Variants in CEP290 observed in about 807,000 individuals in gnomAD.
The protein encoded by CEP290 is centrosomal protein 290.
In CEP290, 317 loss-of-function variants were observed where a neutral mutation model predicts 344.9. That is an observed-to-expected ratio of 0.92 (90% CI 0.84 to 1.01). CEP290 has a LOEUF of 1.01. CEP290 is among the 50% of genes least tolerant of loss of function. CEP290 has a pLI of 0.00. For synonymous variants in CEP290, 932 were observed against 895.8 expected (o/e 1.04, Z -0.72); for missense variants, 2,754 against 2,761.4 (o/e 1.00, Z 0.06).
At chr12:88,141,708 G>A (rs1328647553) in intron 1 of CEP290, among the ~76,000 whole-genome samples, 192 bp downstream of exon 1, 2 of 152,106 alleles carry the variant, frequency 1.3e-5, no homozygotes, top group Non-Finnish European at 2.9e-5. Context: ...CAGAATTGGG[G>A]CTGAAAAAAA....
intron 51 of CEP290, 77 bp from the exon 52 acceptor site, chr12:88,053,823 T>C (rs981874567): frequency 1.4e-6 from 1 of 714,504 alleles, no homozygotes; most frequent in Admixed American, 2.6e-5. Context: ...TCTTATGAAC[T>C]AGTGATGTAC....
At position 88,110,208 on chromosome 12, in the gene CEP290, T is replaced by C. The variant is rs138244834; in HGVS notation, c.2367+994A>G. ...GAACATATATTTGTAATTATATTTA[T>C]AATGTATGTGATGTTATAGATAGTC... On this transcript the variant is annotated intron_variant, in intron 22 of 53. Coordinates refer to ENST00000552810, the MANE Select transcript of CEP290 (RefSeq NM_025114.4). Among the ~76,000 whole-genome samples, 161 of 152,300 alleles carry C rather than the reference T, an allele frequency of 1.1e-3. 2 individuals are homozygous for C. Among genetic ancestry groups the C allele is most frequent in the African/African-American group, 3.5e-3 (147 of 41,570 alleles).
rs2036442878 is a variant in CEP290 at position 88,084,685 on chromosome 12, CA to C, written c.4604del (p.Leu1535Ter). On this transcript the variant is annotated frameshift_variant, in exon 35 of 54. Transcript: ENST00000552810. LOFTEE classifies it high-confidence loss of function. ...KEMEPKSHHT[L>X]KIAHQTIANM... ...TTGCAATGGTTTGATGAGCAATTTT[CA>C]ATGTGTGGTGAGATTTTGGTTCCAT... The C allele has an allele frequency of 6.2e-7, 1 of 1,613,724 alleles. No homozygotes were observed.
At chr12:88,110,047 G>C (rs1338611667) in intron 22 of CEP290, among the ~76,000 whole-genome samples, 2 of 151,900 alleles carry the variant, frequency 1.3e-5, no homozygotes, top group African/African-American at 4.8e-5. Context: ...CCAATATTGA[G>C]AAAAAGATGA....
At chr12:88,121,259 A>AT (rs1205250805) in intron 13 of CEP290, 93 bp from the exon 14 acceptor site, 1 of 861,924 alleles carries the variant, frequency 1.2e-6, no homozygotes, top group African/African-American at 1.8e-5. Context: ...GTGGTATGCC[A>AT]TTAAAAAAAA....
intron 6 of CEP290, chr12:88,135,614 T>C (rs1003067965): frequency 4.6e-4 from 70 of 152,310 alleles, no homozygotes; most frequent in African/African-American, 1.6e-3. Context: ...TTCTATATGA[T>C]TCTTCAACAT....
chr12:88,065,317 T>A (rs1319635131), intron 44 of CEP290, among the ~76,000 whole-genome samples: 1 of 97,864 alleles, frequency 1.0e-5, no homozygotes. Flanking sequence ...TTAGATCCAA[T>A]GACTGCATGT....
chr12:88,100,067 A>G (rs1174886019), intron 26 of CEP290, among the ~76,000 whole-genome samples: 1 of 151,632 alleles, frequency 6.6e-6, no homozygotes, highest in Non-Finnish European at 1.5e-5. Context: ...ATTACCTGAG[A>G]TCCAAAGTTT....
intron 27 of CEP290, among the ~76,000 whole-genome samples, chr12:88,096,143 G>T (rs1281022593): frequency 6.6e-6 from 1 of 151,954 alleles, no homozygotes; most frequent in Non-Finnish European, 1.5e-5. Context: ...CTGACTCCTA[G>T]GTTCAAGCAA....
intron 18 of CEP290, chr12:88,115,735 C>G: frequency 1.1e-6 from 1 of 929,048 alleles, no homozygotes; most frequent in Non-Finnish European, 1.3e-6. Flanking sequence ...AAAAGAACAA[C>G]CACAGAAATA....
intron 49 of CEP290, among the ~76,000 whole-genome samples, chr12:88,056,938 G>A (rs181272064): frequency 3.7e-4 from 57 of 152,044 alleles, no homozygotes; most frequent in African/African-American, 1.1e-3. Flanking sequence ...GGATCAAAAC[G>A]AGCCTTCTCT....
intron 43 of CEP290, among the ~76,000 whole-genome samples, chr12:88,069,286 T>C (rs1011416895): frequency 6.6e-6 from 1 of 152,102 alleles, no homozygotes; most frequent in Admixed American, 6.6e-5. Context: ...AGATGATTCA[T>C]AAAATTTAGA....
intron 32 of CEP290, among the ~76,000 whole-genome samples, chr12:88,087,534 T>C (rs889396677): frequency 2.6e-5 from 4 of 151,428 alleles, no homozygotes; most frequent in Non-Finnish European, 5.9e-5. Flanking sequence ...TCCTGGCTAA[T>C]ATGGTGAAAC....
chr12:88,127,577 C>G (rs970900712), intron 11 of CEP290, among the ~76,000 whole-genome samples: 1 of 151,888 alleles, frequency 6.6e-6, no homozygotes, highest in African/African-American at 2.4e-5. Context: ...CTCATTATAA[C>G]AAATGTCAAA....
At chr12:88,067,200 G>A (rs993720372) in intron 44 of CEP290, among the ~76,000 whole-genome samples, 1 of 147,246 alleles carries the variant, frequency 6.8e-6, no homozygotes, top group African/African-American at 2.5e-5. Flanking sequence ...ATAACATTAA[G>A]TGAACACCAA....
chr12:88,079,790 T>C (rs1391509962), intron 38 of CEP290, among the ~76,000 whole-genome samples: 5 of 152,154 alleles, frequency 3.3e-5, no homozygotes, highest in Non-Finnish European at 7.4e-5. Context: ...CATCCCTTTT[T>C]GTCATTATCA....
At chr12:88,057,207 C>T (rs2034079166) in intron 49 of CEP290, among the ~76,000 whole-genome samples, 1 of 152,004 alleles carries the variant, frequency 6.6e-6, no homozygotes, top group South Asian at 2.1e-4. Context: ...GAACTTGAGC[C>T]CACAGAAAGG....
Position 88,086,460 on chromosome 12 carries a change from T to C in CEP290, c.4233A>G (p.Glu1411=). 1 of 1,600,104 alleles carries C rather than the reference T, an allele frequency of 6.2e-7. No individual in the cohort carries two copies. The highest frequency in any genetic ancestry group is 2.2e-5 in the East Asian group (1 of 44,624). Reference sequence around the variant, plus strand: ...TGTCTAGTTGGCGTTCCAGGTCAACTTCTCTTTGATCCCAGGCCATTTGTC... The same window carrying C: ...TGTCTAGTTGGCGTTCCAGGTCAACCTCTCTTTGATCCCAGGCCATTTGTC... The part of the protein sequence containing the change: ...EERQMAWDQR[E]VDLERQLDIF... Residue 1411 remains glutamate, a synonymous_variant, in exon 33 of 54, where the codon GAA becomes GAG. Coordinates refer to ENST00000552810, the MANE Select transcript of CEP290 (RefSeq NM_025114.4).
chr12:88,088,393 G>T (rs993831750), intron 31 of CEP290, among the ~76,000 whole-genome samples: 2 of 152,038 alleles, frequency 1.3e-5, no homozygotes, highest in Non-Finnish European at 2.9e-5. Context: ...GTAGATCAAA[G>T]ATAATTATGA....
Sources: allele counts gnomAD v4.1 joint callset (sites outside exome capture counted in the v4.1 genomes callset), GRCh38; gene constraint gnomAD v4.1.1; transcripts MANE v1.5; gene names NCBI Gene and HGNC (gene_info 2026-07-23, HGNC 2026-07-21).